Variants in GPATCH8 observed in about 807,000 individuals in gnomAD.
The protein encoded by GPATCH8 is G-patch domain containing 8.
In GPATCH8, 18 loss-of-function variants were observed where a neutral mutation model predicts 118.3. The observed-to-expected ratio is 0.15, with a 90% CI of 0.11 to 0.23. The LOEUF (loss-of-function observed/expected upper bound fraction) is 0.23, where lower values mean the gene tolerates loss of function less well. Ranked by LOEUF, GPATCH8 falls within the 10% of genes least tolerant of loss-of-function variation. GPATCH8 has a pLI of 1.00. For synonymous variants in GPATCH8, 659 were observed against 684.7 expected, an observed-to-expected ratio of 0.96 and a Z score of 0.59; for missense variants, 1,631 against 1,873.8, an observed-to-expected ratio of 0.87 and a Z score of 2.39.
chr17:44,451,577 G>C (rs1484926159), intron 3 of GPATCH8, among the ~76,000 whole-genome samples: 1 of 152,196 alleles, frequency 6.6e-6, no homozygotes, highest in Non-Finnish European at 1.5e-5. Flanking sequence ...TGCCACAGGA[G>C]AGAAACAGAA....
At chr17:44,453,494 GGTAGGGGT>G (rs774361756) in intron 3 of GPATCH8, among the ~76,000 whole-genome samples, 42 of 43,168 alleles carry the variant, frequency 9.7e-4, no homozygotes, top group African/African-American at 2.9e-3. Flanking sequence ...TAGGTAGGTA[GGTAGGGGT>G]GTGTGTGTGT....
At chr17:44,460,858 G>C (rs948795666) in intron 3 of GPATCH8, among the ~76,000 whole-genome samples, 2 of 152,160 alleles carry the variant, frequency 1.3e-5, no homozygotes, top group African/African-American at 4.8e-5. Context: ...GCCTCAATAT[G>C]CAATAAATGT....
chr17:44,452,638 T>A (rs2051159536), intron 3 of GPATCH8, among the ~76,000 whole-genome samples: 1 of 152,168 alleles, frequency 6.6e-6, no homozygotes. Context: ...TCCATCTCCA[T>A]CCTCAGACAT....
intron 5 of GPATCH8, among the ~76,000 whole-genome samples, chr17:44,431,378 GAA>G (rs776468380): frequency 0.037 from 1,756 of 47,786 alleles, 50 homozygotes; most frequent in African/African-American, 0.12. Flanking sequence ...TCTCAAAAAG[GAA>G]AAAAAAAAAA....
rs146258808 is a variant in GPATCH8, at chr17:44,457,898, G to A, written c.193+6574C>T. Among the ~76,000 whole-genome samples the A allele has an allele frequency of 7.0e-3, 1,070 of 152,018 alleles. 4 individuals carry two copies. The highest frequency in any genetic ancestry group is 0.022 in the African/African-American group (892 of 41,450). Reference sequence around the variant, plus strand: ...AGATGGAGACCATCCTGGCTAACACGCTAAAACCCCGTCTCTACTAAAAAA... The same window carrying A: ...AGATGGAGACCATCCTGGCTAACACACTAAAACCCCGTCTCTACTAAAAAA... On this transcript the variant is annotated intron_variant, in intron 3 of 7. Transcript: ENST00000591680.
Position 44,400,193 on chromosome 17 carries a change from G to A in GPATCH8, c.1884C>T (p.Gly628=), listed in dbSNP as rs2048962809. The stretch of plus-strand genomic sequence containing the variant: ...ACCCTGAAGCAGGTGCGTCCATTCT[G>A]CCTCCTGAGGAACGTACTATTTTCT... ...GGEKIVRSSG[G]RMDAPASGSA... The change falls in exon 8 of 8, where the codon GGC becomes GGT. Residue 628 remains glycine (G), a synonymous_variant. Transcript: ENST00000591680. The A allele has an allele frequency of 1.2e-6, 2 of 1,613,988 alleles. No homozygotes were observed. Among genetic ancestry groups the A allele is most frequent in the Non-Finnish European group, 1.7e-6 (2 of 1,180,036 alleles).
At chr17:44,426,268 T>C (rs1360230991) in intron 5 of GPATCH8, among the ~76,000 whole-genome samples, 3 of 152,110 alleles carry the variant, frequency 2.0e-5, no homozygotes, top group Non-Finnish European at 4.4e-5. Flanking sequence ...AGAATGCACA[T>C]AGAGAAAAGC....
At chr17:44,448,535 A>G (rs867669304) in intron 3 of GPATCH8, among the ~76,000 whole-genome samples, 4 of 90,276 alleles carry the variant, frequency 4.4e-5, no homozygotes, top group Non-Finnish European at 8.1e-5. Context: ...GAAGAAGAAG[A>G]AGGAAGAAGA....
chr17:44,427,196 C>T (rs898797920), intron 5 of GPATCH8, among the ~76,000 whole-genome samples: 3 of 151,946 alleles, frequency 2.0e-5, no homozygotes, highest in Non-Finnish European at 2.9e-5. Context: ...CCACCTCGGC[C>T]TTCTGAGTTG....
rs1188188777 is a variant in GPATCH8, at chr17:44,395,555, A to T, written c.*2013T>A. ...TTATTTACATGGGCTGAAAGCAAAGAAAAATGAGTCCCTTCACTTACACAG... is the reference window on the plus strand; with the variant it reads ...TTATTTACATGGGCTGAAAGCAAAGTAAAATGAGTCCCTTCACTTACACAG... On this transcript the variant is annotated 3_prime_UTR_variant, in exon 8 of 8. Transcript: ENST00000591680. The T allele has an allele frequency of 2.2e-6, 1 of 454,356 alleles. No individual in the cohort carries two copies. Among genetic ancestry groups the T allele is most frequent in the Non-Finnish European group, 4.4e-6 (1 of 226,800 alleles). 28.1% of individuals were successfully genotyped at this position (454,356 alleles called of 1,614,324 possible). A position where few individuals can be genotyped will look rare whatever the true frequency, so the allele number is the denominator to read the frequency against.
intron 3 of GPATCH8, 124 bp from the exon 4 acceptor site, chr17:44,436,669 C>A: frequency 1.4e-6 from 1 of 729,618 alleles, no homozygotes; most frequent in Non-Finnish European, 2.5e-6. Context: ...CTACAGTGAA[C>A]CAAACACAAG....
At chr17:44,411,126 A>T (rs988214576) in intron 6 of GPATCH8, among the ~76,000 whole-genome samples, 2 of 152,270 alleles carry the variant, frequency 1.3e-5, no homozygotes, top group Middle Eastern at 3.4e-3. Context: ...AGACTTCAAG[A>T]GCAGAAACAT....
chr17:44,404,937 G>C (rs568894733), intron 7 of GPATCH8, among the ~76,000 whole-genome samples: 2 of 152,238 alleles, frequency 1.3e-5, no homozygotes, highest in Admixed American at 1.3e-4. Flanking sequence ...GGAGAGATTT[G>C]TTACAAAATT....
chr17:44,435,654 T>C, intron 4 of GPATCH8, among the ~76,000 whole-genome samples: 1 of 148,442 alleles, frequency 6.7e-6, no homozygotes, highest in Non-Finnish European at 1.5e-5. Flanking sequence ...TCACCTCAGG[T>C]GATCTGCTTG....
intron 3 of GPATCH8, among the ~76,000 whole-genome samples, chr17:44,445,229 C>T (rs902398696): frequency 6.6e-6 from 1 of 152,078 alleles, no homozygotes; most frequent in Non-Finnish European, 1.5e-5. Context: ...CAACATATAT[C>T]GACAAACTTT....
At chr17:44,420,575 G>A (rs1002822680) in intron 6 of GPATCH8, among the ~76,000 whole-genome samples, 4 of 152,124 alleles carry the variant, frequency 2.6e-5, no homozygotes, top group Admixed American at 6.6e-5. Context: ...CCTCCAGAGT[G>A]ACAAAATCTC....
At chr17:44,406,751 G>A (rs116834296) in intron 6 of GPATCH8, among the ~76,000 whole-genome samples, 1 of 152,112 alleles carries the variant, frequency 6.6e-6, no homozygotes, top group African/African-American at 2.4e-5. Context: ...GGGATGAGGA[G>A]GGAGAGCAGA....
In GPATCH8 at chr17:44,496,061, T is replaced by G. The variant is rs552615572; in HGVS notation, c.45+7265A>C. Among the ~76,000 whole-genome samples, 337 of 151,880 alleles carry G rather than the reference T, an allele frequency of 2.2e-3. 1 individual carries two copies. Among genetic ancestry groups the G allele is most frequent in the African/African-American group, 7.7e-3 (320 of 41,424 alleles). On this transcript the variant is annotated intron_variant, in intron 1 of 7. Transcript: ENST00000591680. ...TTTTTGTATTTTTAGTAGAGATGGG[T>G]TTTCACCATGTTGGCCAGGCTGGTC...
At chr17:44,417,401 T>C (rs1192991169) in intron 6 of GPATCH8, among the ~76,000 whole-genome samples, 1 of 152,314 alleles carries the variant, frequency 6.6e-6, no homozygotes, top group African/African-American at 2.4e-5. Flanking sequence ...GCATTTTTTG[T>C]AGAGACCGGG....
Sources: allele counts gnomAD v4.1 joint callset (sites outside exome capture counted in the v4.1 genomes callset), GRCh38; gene constraint gnomAD v4.1.1; transcripts MANE v1.5; gene names NCBI Gene and HGNC (gene_info 2026-07-23, HGNC 2026-07-21).